The following SMG6 variants were observed in gnomAD, a reference collection of about 807,000 sequenced individuals.
SMG6 encodes SMG6 nonsense mediated mRNA decay factor, also known as telomerase-binding protein EST1A.
Under a neutral mutation model 142.2 loss-of-function variants are expected in SMG6, and 66 were observed. That is an observed-to-expected ratio of 0.46 (90% confidence interval 0.38 to 0.57). SMG6 has a LOEUF of 0.57. Among genes scored for constraint, SMG6 ranks in the 20% least tolerant of loss-of-function variants. The pLI is 0.00. For missense variants in SMG6, 1,793 were observed against 1,832.0 expected (o/e 0.98, Z 0.39); for synonymous variants, 779 against 702.4 (o/e 1.11, Z -1.72).
intron 10 of SMG6, among the ~76,000 whole-genome samples, chr17:2,190,076 C>T (rs188596065): frequency 1.3e-5 from 2 of 152,124 alleles, no homozygotes; most frequent in Non-Finnish European, 2.9e-5. Context: ...GGATGGAAAG[C>T]AGGAAAGGGG....
At chr17:2,217,879 G>A (rs746326134) in intron 10 of SMG6, among the ~76,000 whole-genome samples, 3 of 151,742 alleles carry the variant, frequency 2.0e-5, no homozygotes, top group South Asian at 2.1e-4. Context: ...GTGTGGTGGC[G>A]CACACCTGTA....
chr17:2,154,546 G>A (rs549228557), intron 13 of SMG6, among the ~76,000 whole-genome samples: 1 of 152,072 alleles, frequency 6.6e-6, no homozygotes, highest in Non-Finnish European at 1.5e-5. Flanking sequence ...ATCTCAGCCT[G>A]GTATTCCTCC....
At chr17:2,104,186 C>T (rs2069091179) in intron 13 of SMG6, among the ~76,000 whole-genome samples, 2 of 151,980 alleles carry the variant, frequency 1.3e-5, no homozygotes, top group South Asian at 2.1e-4. Context: ...CTCCTGACCT[C>T]GTGATCCGCC....
Position 2,299,109 on chromosome 17 carries a change from C to G in SMG6, c.1644G>C (p.Pro548=). The part of the protein sequence containing the change: ...VYPGPYYPGY[P]TPSGQYVCSP... The stretch of plus-strand genomic sequence containing the variant: ...TACACACATACTGTCCTGACGGAGT[C>G]GGGTAGCCTGGGTAGTAAGGCCCTG... Residue 548 remains proline (P), a synonymous_variant, in exon 2 of 19, where the codon CCG becomes CCC. Transcript: ENST00000263073. This position sits in a 1 kb window ranked among gnomAD's most constrained non-coding sequence, Gnocchi z 4.3. The G allele has an allele frequency of 6.2e-7, 1 of 1,614,032 alleles. No homozygotes were observed. Among genetic ancestry groups the G allele is most frequent in the Middle Eastern group, 1.7e-4 (1 of 6,058 alleles).
intron 9 of SMG6, chr17:2,237,628 A>G: frequency 1.1e-6 from 1 of 897,514 alleles, no homozygotes; most frequent in South Asian, 5.1e-5. Flanking sequence ...TGCCACTCCC[A>G]ATACAGGAAG....
At chr17:2,128,455 A>G (rs2069978732) in intron 13 of SMG6, among the ~76,000 whole-genome samples, 1 of 152,166 alleles carries the variant, frequency 6.6e-6, no homozygotes, top group African/African-American at 2.4e-5. Context: ...GGATGGCTCT[A>G]GAGTTAGATT....
rs147222873 is a variant in SMG6 at position 2,299,697 on chromosome 17, G to T, written c.1056C>A (p.Val352=). Residue 352 remains valine (V), a synonymous_variant, in exon 2 of 19, where the codon GTC becomes GTA. Transcript: ENST00000263073. The surrounding 1 kb of genome is among the most constrained non-coding windows in gnomAD (Gnocchi z 4.3). ...TGTTCATGGCTTCTGCATCGAAAGTGACACGAAGAGTGCCTCGATATTCTT... is the reference window on the plus strand; with the variant it reads ...TGTTCATGGCTTCTGCATCGAAAGTTACACGAAGAGTGCCTCGATATTCTT... ...SAKEYRGTLR[V]TFDAEAMNKE... is the part of the protein sequence containing the mutation. 9 of 1,614,166 alleles carry T rather than the reference G, an allele frequency of 5.6e-6. No individual in the cohort carries two copies. Among genetic ancestry groups the T allele is most frequent in the Non-Finnish European group, 7.6e-6 (9 of 1,180,028 alleles).
chr17:2,298,833 T>C, intron 2 of SMG6, 73 bp downstream of exon 2: 1 of 1,438,178 alleles, frequency 7.0e-7, no homozygotes, highest in Non-Finnish European at 9.4e-7. Flanking sequence ...GTTTCTACCT[T>C]CCTCAGCCAT....
intron 8 of SMG6, among the ~76,000 whole-genome samples, chr17:2,252,942 A>G (rs1167436510): frequency 6.6e-6 from 1 of 151,962 alleles, no homozygotes; most frequent in African/African-American, 2.4e-5. Context: ...ATAAGAGAAT[A>G]TTTGATGACA....
At chr17:2,261,555 A>C (rs2074314578) in intron 8 of SMG6, among the ~76,000 whole-genome samples, 1 of 152,168 alleles carries the variant, frequency 6.6e-6, no homozygotes, top group South Asian at 2.1e-4. Context: ...CCTTTGCCCC[A>C]TATGTCCTAA....
intron 8 of SMG6, among the ~76,000 whole-genome samples, chr17:2,269,454 A>G (rs898758447): frequency 1.5e-4 from 15 of 99,412 alleles, no homozygotes; most frequent in Non-Finnish European, 3.7e-4. Flanking sequence ...AAAAAACTAT[A>G]CATTAAAAAA....
At chr17:2,245,839 C>T (rs553896415) in intron 8 of SMG6, among the ~76,000 whole-genome samples, 32 of 152,250 alleles carry the variant, frequency 2.1e-4, no homozygotes, top group Non-Finnish European at 3.7e-4. Context: ...TGTCACCACA[C>T]CTAGCTAATT....
At chr17:2,201,677 C>CAA (rs58219330) in intron 10 of SMG6, among the ~76,000 whole-genome samples, 1,479 of 127,682 alleles carry the variant, frequency 0.012, 27 homozygotes, top group African/African-American at 0.037. Flanking sequence ...AGACTTGATT[C>CAA]AAAAAAAAAA....
Position 2,300,271 on chromosome 17 carries a change from C to A in SMG6, c.482G>T (p.Ser161Ile). The A allele has an allele frequency of 1.2e-6, 2 of 1,614,184 alleles. No individual in the cohort carries two copies. Among genetic ancestry groups the A allele is most frequent in the South Asian group, 1.1e-5 (1 of 91,080 alleles). The change falls in exon 2 of 19, where the codon AGT becomes ATT. Residue 161 changes from serine to isoleucine, a missense_variant. Ser to Ile is a moderately radical substitution (Grantham distance 142). This residue lies in a region of SMG6 where 1,597 missense variants were observed against 1,584.6 expected (regional missense o/e 1.01). Transcript: ENST00000263073. ...GAGGACTTCTTCCTCCTCCACCCGACTGGCGGATTCTTTGCTAACAGTCTG... is the reference window on the plus strand; with the variant it reads ...GAGGACTTCTTCCTCCTCCACCCGAATGGCGGATTCTTTGCTAACAGTCTG... ...RLQTVSKESA[S>I]RVEEEEVLNQ...
chr17:2,102,528 ATTTT>A (rs374584197), intron 13 of SMG6, among the ~76,000 whole-genome samples: 1 of 81,612 alleles, frequency 1.2e-5, no homozygotes, highest in Non-Finnish European at 2.4e-5. Context: ...TGCTAATTTC[ATTTT>A]TTTTTTTTTT....
At chr17:2,082,209 G>T in intron 14 of SMG6, 2 of 496,968 alleles carry the variant, frequency 4.0e-6, no homozygotes, top group East Asian at 3.3e-5. Context: ...TAAGTCACTC[G>T]CAATCACACA....
In SMG6 at chr17:2,170,070, G is replaced by T. The variant is rs528646856; in HGVS notation, c.3357+2588C>A. Among the ~76,000 whole-genome samples, 4 of 152,200 alleles carry T rather than the reference G, an allele frequency of 2.6e-5. No individual in the cohort carries two copies. The East Asian group carries it at 7.7e-4, about 29-fold the overall frequency. On this transcript the variant is annotated intron_variant, in intron 13 of 18. Coordinates refer to ENST00000263073, the MANE Select transcript of SMG6 (RefSeq NM_017575.5). ...AAAAATCAAGGCTGCCATTTACCAA[G>T]ATGGGGAAGGGTAAAGGAAGACCAG...
At chr17:2,248,284 C>T (rs916239296) in intron 8 of SMG6, among the ~76,000 whole-genome samples, 4 of 151,952 alleles carry the variant, frequency 2.6e-5, no homozygotes, top group Admixed American at 2.0e-4. Flanking sequence ...ACACCTATCT[C>T]GGGGAAAAGA....
chr17:2,098,032 A>G (rs2068903406), intron 13 of SMG6, among the ~76,000 whole-genome samples: 2 of 152,056 alleles, frequency 1.3e-5, no homozygotes, highest in South Asian at 4.2e-4. Flanking sequence ...TCTGTCCCTC[A>G]GGCTGGAGTA....
Sources: allele counts gnomAD v4.1 joint callset (sites outside exome capture counted in the v4.1 genomes callset), GRCh38; gene constraint gnomAD v4.1.1; regional missense constraint gnomAD v4.1.1; non-coding constraint Gnocchi (gnomAD v3.1); transcripts MANE v1.5; gene names NCBI Gene and HGNC (gene_info 2026-07-23, HGNC 2026-07-21).